The following OPRK1 variants were observed in gnomAD, a reference collection of about 807,000 sequenced individuals.
OPRK1 encodes opioid receptor kappa 1, also known as kappa-type opioid receptor.
OPRK1 carries 15 observed loss-of-function variants against 24.5 expected under a neutral mutation model. The ratio of observed to expected loss-of-function variants is 0.61; its 90% CI spans 0.41 to 0.94. The LOEUF (loss-of-function observed/expected upper bound fraction) is 0.94. OPRK1 is among the 40% of genes least tolerant of loss of function. The pLI, the probability that OPRK1 is intolerant of heterozygous loss-of-function variation, is 0.00. For missense variants in OPRK1, 479 were observed against 507.3 expected, an observed-to-expected ratio of 0.94 and a Z score of 0.54; for synonymous variants, 205 against 198.0, an observed-to-expected ratio of 1.04 and a Z score of -0.30.
At chr8:53,240,374 AC>A (rs1314462941) in intron 2 of OPRK1, among the ~76,000 whole-genome samples, 2 of 152,224 alleles carry the variant, frequency 1.3e-5, no homozygotes, top group African/African-American at 4.8e-5. Flanking sequence ...CATAGAATGC[AC>A]CTGAACAAAT....
At chr8:53,230,302 G>A (rs1351888082) in intron 3 of OPRK1, among the ~76,000 whole-genome samples, 1 of 152,080 alleles carries the variant, frequency 6.6e-6, no homozygotes, top group Non-Finnish European at 1.5e-5. Context: ...AAGCCAACTT[G>A]TTTGAAAAAC....
At position 53,229,246 on chromosome 8, in the gene OPRK1, A is replaced by G; in HGVS notation, c.*51T>C. The G allele has an allele frequency of 1.3e-6, 2 of 1,561,860 alleles. No individual in the cohort carries two copies. Among genetic ancestry groups the G allele is most frequent in the Non-Finnish European group, 1.7e-6 (2 of 1,152,108 alleles). On this transcript the variant is annotated 3_prime_UTR_variant, in exon 4 of 4. Transcript: ENST00000265572. Reference sequence around the variant, plus strand: ...TAGTGATCTGAGTTAAACCTAGATCATTGAACTCCTCTCTTCCCGAAGAAC... The same window carrying G: ...TAGTGATCTGAGTTAAACCTAGATCGTTGAACTCCTCTCTTCCCGAAGAAC...
intron 2 of OPRK1, among the ~76,000 whole-genome samples, chr8:53,240,033 T>C (rs1807079967): frequency 6.6e-6 from 1 of 152,162 alleles, no homozygotes; most frequent in South Asian, 2.1e-4. Flanking sequence ...ATGAGGACGG[T>C]CAAGTATGCA....
chr8:53,243,321 A>G (rs1807157412), intron 2 of OPRK1, among the ~76,000 whole-genome samples: 1 of 152,258 alleles, frequency 6.6e-6, no homozygotes, highest in Admixed American at 6.5e-5. Flanking sequence ...GATGAGATGC[A>G]GCTGAATGAG....
intron 2 of OPRK1, chr8:53,242,802 G>C (rs1029052692): frequency 3.2e-6 from 4 of 1,232,686 alleles, no homozygotes; most frequent in South Asian, 2.7e-5. Context: ...CACCGCGCCC[G>C]GCCACTCCAG....
intron 2 of OPRK1, among the ~76,000 whole-genome samples, chr8:53,237,092 C>G (rs567649343): frequency 6.6e-6 from 1 of 152,286 alleles, no homozygotes; most frequent in South Asian, 2.1e-4. Context: ...CTGACCCAGA[C>G]AGCATGTCTA....
Position 53,247,013 on chromosome 8 carries a change from A to C in OPRK1, c.257+3768T>G, listed in dbSNP as rs1204142273. ...GACAAAAATAAAATTGATTTTATCC[A>C]ACAGCATCCAACTAGCTGGGTATAG... is the stretch of plus-strand genomic sequence containing the variant. On this transcript the variant is annotated intron_variant, in intron 2 of 3. Transcript: ENST00000265572. Among the ~76,000 whole-genome samples the C allele has an allele frequency of 2.6e-5, 4 of 152,344 alleles. No homozygotes were observed. The East Asian group carries it at 5.8e-4, about 22-fold the overall frequency.
In OPRK1 at chr8:53,231,262, A is replaced by G. The variant is rs1000688101; in HGVS notation, c.611-1433T>C. On this transcript the variant is annotated intron_variant, in intron 3 of 3. Coordinates refer to ENST00000265572, the MANE Select transcript of OPRK1 (RefSeq NM_000912.5). ...TTACTATTATAATAGAATATAAGAT[A>G]TCCATTAAGCAACTTTTGATGGGTG... Among the ~76,000 whole-genome samples the G allele has an allele frequency of 2.0e-5, 3 of 152,222 alleles. No homozygotes were observed. In the East Asian group the frequency reaches 5.8e-4, roughly 29 times the overall value.
intron 2 of OPRK1, among the ~76,000 whole-genome samples, chr8:53,242,237 A>G (rs1367560297): frequency 9.2e-5 from 14 of 152,196 alleles, no homozygotes; most frequent in Non-Finnish European, 2.1e-4. Context: ...CCAGTTCTCC[A>G]CTGGACAGGA....
Position 53,229,188 on chromosome 8 carries a change from T to A in OPRK1, c.*109A>T, listed in dbSNP as rs1563325619. On this transcript the variant is annotated 3_prime_UTR_variant, in exon 4 of 4. Coordinates refer to ENST00000265572, the MANE Select transcript of OPRK1 (RefSeq NM_000912.5). ...AGACCATGAGATCTCTAAAAGTTTA[T>A]TTTAAATTCTATCTTTTCATGTCAG... 4.5e-6 allele frequency: 6 copies of A among 1,334,588 alleles called. No homozygotes were observed. The highest frequency in any genetic ancestry group is 6.1e-6 in the Non-Finnish European group (6 of 980,976). The allele number at this position is 1,334,588 out of a possible 1,614,324, so 82.7% of individuals were successfully genotyped here.
chr8:53,238,328 G>A (rs540908878), intron 2 of OPRK1, among the ~76,000 whole-genome samples: 1 of 152,346 alleles, frequency 6.6e-6, no homozygotes, highest in East Asian at 1.9e-4. Flanking sequence ...GTTCTGGCTT[G>A]TGTGGAGGAG....
At chr8:53,238,709 G>C (rs1291830785) in intron 2 of OPRK1, 1 of 985,322 alleles carries the variant, frequency 1.0e-6, no homozygotes, top group African/African-American at 1.7e-5. Context: ...ATGGTGAGGG[G>C]AACAAAGTTA....
intron 2 of OPRK1, among the ~76,000 whole-genome samples, chr8:53,246,876 T>A (rs946507682): frequency 3.3e-5 from 5 of 152,160 alleles, no homozygotes; most frequent in African/African-American, 9.7e-5. Context: ...ATTCATTTTT[T>A]AAAATGGGAA....
intron 2 of OPRK1, among the ~76,000 whole-genome samples, chr8:53,247,990 C>CAAAAAAA (rs767911838): frequency 1.5e-4 from 5 of 32,364 alleles, no homozygotes; most frequent in Admixed American, 5.0e-4. Context: ...GATTCTGTCT[C>CAAAAAAA]AAAAAAAAAA....
intron 3 of OPRK1, among the ~76,000 whole-genome samples, chr8:53,233,968 C>T (rs61470283): frequency 5.3e-5 from 8 of 151,972 alleles, no homozygotes; most frequent in East Asian, 1.9e-4. Context: ...GAGGCCGAGG[C>T]GGGCAGATCA....
chr8:53,248,556 T>C (rs6985606), intron 2 of OPRK1, among the ~76,000 whole-genome samples: 96,020 of 152,104 alleles, frequency 0.63, 32,750 homozygotes, highest in African/African-American at 0.91. Context: ...ACCCTCTCTC[T>C]GATCTTCAGT....
intron 2 of OPRK1, chr8:53,238,447 A>G (rs1448509838): frequency 1.3e-6 from 1 of 754,370 alleles, no homozygotes; most frequent in Non-Finnish European, 1.6e-6. Context: ...AACTGACAAC[A>G]TAACAGACCT....
chr8:53,246,548 G>A (rs918380913), intron 2 of OPRK1, among the ~76,000 whole-genome samples: 1 of 152,180 alleles, frequency 6.6e-6, no homozygotes, highest in African/African-American at 2.4e-5. Context: ...GGTGAAGAGG[G>A]AGAGATTGCA....
intron 3 of OPRK1, among the ~76,000 whole-genome samples, chr8:53,234,016 T>A (rs1470420046): frequency 1.3e-5 from 2 of 151,806 alleles, no homozygotes; most frequent in East Asian, 1.9e-4. Context: ...GCCAACACGG[T>A]GAAACCCTGT....
Sources: gnomAD v4.1 joint callset for allele counts (sites outside exome capture counted in the v4.1 genomes callset) on GRCh38, gnomAD v4.1.1 for gene constraint, MANE v1.5 for transcripts, NCBI Gene and HGNC (gene_info 2026-07-23, HGNC 2026-07-21) for gene names.